Variants in PARD3 observed in about 807,000 individuals in gnomAD.
PARD3 encodes the protein par-3 family cell polarity regulator, also known as partitioning defective 3 homolog.
PARD3 carries 75 observed loss-of-function variants against 155.4 expected under a neutral mutation model. The ratio of observed to expected loss-of-function variants is 0.48; its 90% CI spans 0.40 to 0.58. The LOEUF is 0.58. Ranked by LOEUF, PARD3 falls within the 20% of genes least tolerant of loss-of-function variation. PARD3 has a pLI of 0.00. For synonymous variants in PARD3, 576 were observed against 610.5 expected, an observed-to-expected ratio of 0.94 and a Z score of 0.83; for missense variants, 1,642 against 1,721.7, an observed-to-expected ratio of 0.95 and a Z score of 0.82.
intron 22 of PARD3, 55 bp from the exon 23 acceptor site, chr10:34,131,638 T>G (rs1947619386): frequency 6.5e-7 from 1 of 1,540,928 alleles, no homozygotes; most frequent in Admixed American, 1.8e-5. Context: ...ATCTGTGAAC[T>G]GCAGTTGCTA....
chr10:34,445,841 C>G (rs1241232144), intron 5 of PARD3, among the ~76,000 whole-genome samples: 3 of 151,778 alleles, frequency 2.0e-5, no homozygotes, highest in Non-Finnish European at 4.4e-5. Flanking sequence ...GTCGTCACTC[C>G]CCATCCCTGC....
chr10:34,431,740 CAAAAAAAAAAAAAAAAAA>C (rs57001926), intron 5 of PARD3, among the ~76,000 whole-genome samples: 1 of 25,180 alleles, frequency 4.0e-5, no homozygotes, highest in African/African-American at 1.4e-4. Context: ...AACTCTGTCT[CAAAAAAAAAAAAAAAAAA>C]AAAAAAAAAT....
chr10:34,551,900 T>C (rs1012891875), intron 2 of PARD3, among the ~76,000 whole-genome samples: 1 of 152,148 alleles, frequency 6.6e-6, no homozygotes, highest in Non-Finnish European at 1.5e-5. Context: ...AAAAATCTCA[T>C]AGACTGGAGT....
chr10:34,508,898 T>G (rs544847005), intron 3 of PARD3, among the ~76,000 whole-genome samples: 1 of 152,198 alleles, frequency 6.6e-6, no homozygotes, highest in Admixed American at 6.5e-5. Flanking sequence ...GTGCTTCTCC[T>G]GTGTCACAGG....
chr10:34,363,531 A>G (rs902895042), intron 12 of PARD3, among the ~76,000 whole-genome samples: 4 of 152,208 alleles, frequency 2.6e-5, no homozygotes, highest in African/African-American at 9.7e-5. Context: ...ATGTTTTTTA[A>G]AAATTGTGCT....
intron 1 of PARD3, among the ~76,000 whole-genome samples, chr10:34,791,585 A>G (rs1588767791): frequency 6.6e-6 from 1 of 152,110 alleles, no homozygotes; most frequent in East Asian, 1.9e-4. Context: ...CACAGCCTCA[A>G]CCCGTCAGAG....
intron 1 of PARD3, 35 bp downstream of exon 1, chr10:34,814,841 C>CCGCCCCCTCCCCGCCCG: frequency 8.4e-7 from 1 of 1,183,668 alleles, no homozygotes; most frequent in Non-Finnish European, 1.2e-6. Context: ...GTCCCCGCCG[C>CCGCCCCCTCCCCGCCCG]CGCCCCCTCC....
At chr10:34,201,002 G>A (rs1951184432) in intron 22 of PARD3, among the ~76,000 whole-genome samples, 2 of 152,160 alleles carry the variant, frequency 1.3e-5, no homozygotes, top group African/African-American at 4.8e-5. Context: ...GAGTGCCTGT[G>A]TATACATGCA....
At chr10:34,770,161 A>G (rs972465696) in intron 1 of PARD3, among the ~76,000 whole-genome samples, 1 of 152,062 alleles carries the variant, frequency 6.6e-6, no homozygotes, top group Non-Finnish European at 1.5e-5. Context: ...CTCCTTAGAC[A>G]CAAGTCACCC....
chr10:34,386,676 G>C (rs1277480826), intron 7 of PARD3, among the ~76,000 whole-genome samples: 1 of 151,982 alleles, frequency 6.6e-6, no homozygotes, highest in Non-Finnish European at 1.5e-5. Context: ...TATAAAATTA[G>C]CTTGGCATGG....
chr10:34,611,745 A>G (rs2090904260), intron 2 of PARD3, among the ~76,000 whole-genome samples: 1 of 151,960 alleles, frequency 6.6e-6, no homozygotes, highest in African/African-American at 2.4e-5. Context: ...AGAGCTAAAA[A>G]CTGCTGAATT....
At chr10:34,510,526 CTTTG>C (rs1564793848) in intron 3 of PARD3, among the ~76,000 whole-genome samples, 2 of 152,034 alleles carry the variant, frequency 1.3e-5, no homozygotes, top group Admixed American at 6.6e-5. Flanking sequence ...TTTTAATGTA[CTTTG>C]TTTGTTGCAA....
chr10:34,268,670 T>G (rs1054213142), intron 22 of PARD3, among the ~76,000 whole-genome samples: 1 of 151,938 alleles, frequency 6.6e-6, no homozygotes, highest in Non-Finnish European at 1.5e-5. Context: ...CAGCAAACTA[T>G]TGCAAGGACA....
chr10:34,554,810 C>A (rs143803044), intron 2 of PARD3, among the ~76,000 whole-genome samples: 12 of 152,204 alleles, frequency 7.9e-5, no homozygotes, highest in Non-Finnish European at 7.4e-5. Flanking sequence ...AAAATCAAAT[C>A]AACTTTTCAC....
chr10:34,804,818 AT>A (rs1165544179), intron 1 of PARD3, among the ~76,000 whole-genome samples: 1 of 152,214 alleles, frequency 6.6e-6, no homozygotes, highest in African/African-American at 2.4e-5. Context: ...GAACAAAAAA[AT>A]CTAGTCTCAT....
chr10:34,559,848 A>T (rs2134046059), intron 2 of PARD3, among the ~76,000 whole-genome samples: 1 of 152,288 alleles, frequency 6.6e-6, no homozygotes, highest in African/African-American at 2.4e-5. Context: ...GGCTGTTACC[A>T]CTCATCAAAA....
At chr10:34,651,011 CAAAAAAAAAAAAAAAAAAAAAAAAAA>C (rs60113552) in intron 2 of PARD3, among the ~76,000 whole-genome samples, 3 of 44,520 alleles carry the variant, frequency 6.7e-5, no homozygotes, top group East Asian at 2.1e-3. Flanking sequence ...AACTCTGTCT[CAAAAAAAAAAAAAAAAAAAAAAAAAA>C]AAAAAAAAAA....
rs1458897621 is a variant in PARD3, at chr10:34,301,478, G to A, written c.3065+15629C>T. On this transcript the variant is annotated intron_variant, in intron 20 of 24. Transcript: ENST00000374788. The stretch of plus-strand genomic sequence containing the variant: ...CCTCTGCCCCATTCCTGCCCTGAGC[G>A]CCAGTGATATTCAAAGGGGCCTTAG... 5.3e-5 allele frequency among the ~76,000 whole-genome samples: 8 copies of A among 151,952 alleles called. No homozygotes were observed. In the East Asian group the frequency reaches 9.6e-4, roughly 18 times the overall value.
chr10:34,434,123 T>C (rs903571985), intron 5 of PARD3, among the ~76,000 whole-genome samples: 2 of 152,194 alleles, frequency 1.3e-5, no homozygotes, highest in South Asian at 4.1e-4. Context: ...CAGCAGATCC[T>C]AGGCAGGAAA....
Sources: allele counts gnomAD v4.1 joint callset (sites outside exome capture counted in the v4.1 genomes callset), GRCh38; gene constraint gnomAD v4.1.1; transcripts MANE v1.5; gene names NCBI Gene and HGNC (gene_info 2026-07-23, HGNC 2026-07-21).